Variants in RSU1 observed in about 807,000 individuals in gnomAD.
RSU1 encodes Ras suppressor protein 1.
A neutral mutation model predicts 31.1 loss-of-function variants in RSU1; 26 were observed. The ratio of observed to expected loss-of-function variants is 0.84; its 90% CI spans 0.61 to 1.16. The LOEUF (loss-of-function observed/expected upper bound fraction) is 1.16. Among genes scored for constraint, RSU1 ranks in the 50% most tolerant of loss-of-function variants. The pLI, the probability that RSU1 is intolerant of heterozygous loss-of-function variation, is 0.00. For missense variants in RSU1, 320 were observed against 339.1 expected (o/e 0.94, Z 0.44); for synonymous variants, 164 against 136.3 (o/e 1.20, Z -1.41).
chr10:16,746,722 AG>A (rs1337871651), intron 7 of RSU1, among the ~76,000 whole-genome samples: 1 of 133,870 alleles, frequency 7.5e-6, no homozygotes, highest in Non-Finnish European at 1.5e-5. Context: ...AGGATTGTTC[AG>A]GGTATGCATT....
rs1263469939 is a variant in RSU1, at chr10:16,646,085, CACACAT to C, written c.731+48932_731+48937del. Among the ~76,000 whole-genome samples the C allele has an allele frequency of 4.1e-3, 525 of 128,668 alleles. 26 individuals carry two copies. The highest frequency in any genetic ancestry group is 5.2e-3 in the Non-Finnish European group (340 of 65,636). The allele number at this position is 128,668 out of a possible 152,430, so 84.4% of individuals were successfully genotyped here. A position where few individuals can be genotyped will look rare whatever the true frequency, so the allele number is the denominator to read the frequency against. On this transcript the variant is annotated intron_variant, in intron 8 of 8. Transcript: ENST00000345264. The stretch of plus-strand genomic sequence containing the variant: ...ATACACACACACACACACACACACA[CACACAT>C]ACATATATAAATGTGCATTCAAAAC...
chr10:16,608,793 A>C (rs1226729853), intron 8 of RSU1, among the ~76,000 whole-genome samples: 2 of 152,136 alleles, frequency 1.3e-5, no homozygotes, highest in East Asian at 3.9e-4. Context: ...AAAGTTTAAA[A>C]AAATACTTGT....
At chr10:16,756,929 CTG>C (rs1355423647) in intron 4 of RSU1, among the ~76,000 whole-genome samples, 5 of 89,282 alleles carry the variant, frequency 5.6e-5, no homozygotes, top group Non-Finnish European at 1.1e-4. Flanking sequence ...ACGTGGGGGG[CTG>C]TGTGGGGGCG....
At chr10:16,598,061 G>A (rs527513554) in intron 8 of RSU1, among the ~76,000 whole-genome samples, 1 of 152,226 alleles carries the variant, frequency 6.6e-6, no homozygotes, top group Non-Finnish European at 1.5e-5. Context: ...AACTGGGCAA[G>A]TAAGTGTGGT....
rs183505416 is a variant in RSU1 at position 16,621,647 on chromosome 10, A to G, written c.732-28151T>C. Among the ~76,000 whole-genome samples the G allele has an allele frequency of 3.6e-3, 554 of 152,326 alleles. 7 individuals are homozygous for G. Among genetic ancestry groups the G allele is most frequent in the African/African-American group, 0.013 (536 of 41,580 alleles). Reference sequence around the variant, plus strand: ...GAAGGTGGAGTAGGAGCAAAGGCACATCTTACATGGCGGCAGGCAAGAAAG... The same window carrying G: ...GAAGGTGGAGTAGGAGCAAAGGCACGTCTTACATGGCGGCAGGCAAGAAAG... On this transcript the variant is annotated intron_variant, in intron 8 of 8. Transcript: ENST00000345264.
At chr10:16,809,013 G>A (rs1300013125) in intron 2 of RSU1, among the ~76,000 whole-genome samples, 2 of 152,148 alleles carry the variant, frequency 1.3e-5, no homozygotes. Context: ...CAGCCTCCAG[G>A]ACCGTGGGAA....
chr10:16,695,115 T>C lies in RSU1; in HGVS notation c.639A>G (p.Ala213=). The change falls in exon 8 of 9, where the codon GCA becomes GCG. Residue 213 remains alanine (A), a synonymous_variant. Coordinates refer to ENST00000345264, the MANE Select transcript of RSU1 (RefSeq NM_012425.4). ...DLTGQKQVFK[A]ENNPWVTPIA... is the part of the protein sequence containing the mutation. ...TGGGGGTCACCCAGGGATTGTTCTC[T>C]GCTTTGAATACCTGCTTCTGGCCAG... The C allele has an allele frequency of 6.4e-7, 1 of 1,552,398 alleles. No homozygotes were observed. The highest frequency in any genetic ancestry group is 1.7e-4 in the Middle Eastern group (1 of 5,734).
chr10:16,659,644 T>C (rs186976575), intron 8 of RSU1, among the ~76,000 whole-genome samples: 8 of 152,334 alleles, frequency 5.3e-5, no homozygotes, highest in Non-Finnish European at 8.8e-5. Context: ...GTCTTCGTTA[T>C]TATAGCTTTA....
intron 8 of RSU1, among the ~76,000 whole-genome samples, chr10:16,655,516 A>G (rs905424387): frequency 2.6e-5 from 4 of 152,224 alleles, no homozygotes; most frequent in African/African-American, 9.6e-5. Context: ...GATATACAAT[A>G]ACTGTTTGAT....
chr10:16,810,354 G>T (rs1394286517), intron 2 of RSU1, among the ~76,000 whole-genome samples: 1 of 152,178 alleles, frequency 6.6e-6, no homozygotes, highest in Non-Finnish European at 1.5e-5. Flanking sequence ...AGGACACAGA[G>T]TATTTTAATT....
At chr10:16,634,639 A>G (rs1425623230) in intron 8 of RSU1, among the ~76,000 whole-genome samples, 1 of 152,194 alleles carries the variant, frequency 6.6e-6, no homozygotes. Flanking sequence ...CTCAACTCCC[A>G]TGGGATAAAA....
chr10:16,809,546 G>C (rs978955382), intron 2 of RSU1, among the ~76,000 whole-genome samples: 14 of 152,050 alleles, frequency 9.2e-5, no homozygotes, highest in African/African-American at 3.1e-4. Context: ...ACTTGATCTA[G>C]ACCAAATGCT....
chr10:16,765,260 A>G (rs1024215917), intron 3 of RSU1, among the ~76,000 whole-genome samples: 1 of 152,204 alleles, frequency 6.6e-6, no homozygotes, highest in African/African-American at 2.4e-5. Context: ...ATATAAGCTC[A>G]ATTTTAAATG....
At chr10:16,791,044 G>A (rs56302988) in intron 2 of RSU1, among the ~76,000 whole-genome samples, 56 of 152,230 alleles carry the variant, frequency 3.7e-4, no homozygotes, top group Non-Finnish European at 7.1e-4. Context: ...TATTTTAATG[G>A]AGTAAATTCA....
chr10:16,729,052 T>G (rs982352699), intron 7 of RSU1, among the ~76,000 whole-genome samples: 11 of 152,232 alleles, frequency 7.2e-5, no homozygotes, highest in African/African-American at 2.4e-4. Flanking sequence ...ACTAAGGCAC[T>G]ATGCAAACAT....
intron 7 of RSU1, among the ~76,000 whole-genome samples, chr10:16,741,513 T>C (rs1425909596): frequency 6.6e-6 from 1 of 152,090 alleles, no homozygotes; most frequent in African/African-American, 2.4e-5. Flanking sequence ...GTATGAATTG[T>C]GTGGTATGAG....
chr10:16,709,772 C>G (rs1012486688), intron 7 of RSU1, among the ~76,000 whole-genome samples: 1 of 151,964 alleles, frequency 6.6e-6, no homozygotes, highest in African/African-American at 2.4e-5. Context: ...TTTCATGTGT[C>G]TTTTGGCTGC....
At chr10:16,615,719 A>G (rs1833964079) in intron 8 of RSU1, among the ~76,000 whole-genome samples, 1 of 152,256 alleles carries the variant, frequency 6.6e-6, no homozygotes, top group South Asian at 2.1e-4. Context: ...CTTGGGATTA[A>G]GAAACACTCA....
chr10:16,714,039 G>C (rs911786937), intron 7 of RSU1, among the ~76,000 whole-genome samples: 6 of 152,186 alleles, frequency 3.9e-5, no homozygotes, highest in Admixed American at 2.6e-4. Flanking sequence ...GGGAGTAGGG[G>C]TGTTGGGCTG....
Sources: gnomAD v4.1 joint callset for allele counts (sites outside exome capture counted in the v4.1 genomes callset) on GRCh38, gnomAD v4.1.1 for gene constraint, MANE v1.5 for transcripts, NCBI Gene and HGNC (gene_info 2026-07-23, HGNC 2026-07-21) for gene names.